The following ATP13A5 variants were observed in gnomAD, a reference collection of about 807,000 sequenced individuals.
ATP13A5 encodes the protein probable cation-transporting ATPase 13A5.
ATP13A5 carries 149 observed loss-of-function variants against 150.2 expected under a neutral mutation model. That is an observed-to-expected ratio of 0.99 (90% CI 0.87 to 1.14). The LOEUF is 1.14. Among genes scored for constraint, ATP13A5 ranks in the 50% most tolerant of loss-of-function variants. The pLI is 0.00. For synonymous variants in ATP13A5, 497 were observed against 522.2 expected (o/e 0.95, Z 0.66); for missense variants, 1,383 against 1,449.3 (o/e 0.95, Z 0.74).
intron 20 of ATP13A5, 120 bp from the exon 21 acceptor site, chr3:193,310,837 C>T (rs898353014): frequency 4.0e-5 from 25 of 623,718 alleles, no homozygotes; most frequent in Non-Finnish European, 6.7e-5. Flanking sequence ...GATGGTATGT[C>T]ATTAGACCAA....
At chr3:193,305,490 G>T in intron 23 of ATP13A5, 69 bp downstream of exon 23, 3 of 1,235,594 alleles carry the variant, frequency 2.4e-6, no homozygotes, top group South Asian at 1.2e-5. Context: ...GCTTGTAGTT[G>T]AATTCTGTCT....
intron 25 of ATP13A5, among the ~76,000 whole-genome samples, chr3:193,292,384 T>C (rs1396112312): frequency 6.6e-6 from 1 of 152,154 alleles, no homozygotes; most frequent in East Asian, 1.9e-4. Context: ...TCATGCTCAT[T>C]GTAGTTTCTT....
intron 26 of ATP13A5, among the ~76,000 whole-genome samples, chr3:193,288,264 A>G (rs1717803010): frequency 6.6e-6 from 1 of 152,160 alleles, no homozygotes; most frequent in Admixed American, 6.6e-5. Flanking sequence ...TTCAAATTTG[A>G]AAGTACTGAG....
rs1560136261 is a variant in ATP13A5 at position 193,331,209 on chromosome 3, T to A, written c.1375A>T (p.Lys459Ter). 5 of 1,614,102 alleles carry A rather than the reference T, an allele frequency of 3.1e-6. No individual in the cohort carries two copies. The highest frequency in any genetic ancestry group is 4.2e-6 in the Non-Finnish European group (5 of 1,179,956). Residue 459 changes from lysine to a stop codon, truncating the protein, a stop_gained, in exon 12 of 30, where the codon AAG (lysine) becomes TAG (stop). Coordinates refer to ENST00000342358, the MANE Select transcript of ATP13A5 (RefSeq NM_198505.4). LOFTEE classifies it high-confidence loss of function. The part of the protein sequence containing the change: ...ALTIGNVYAQ[K>*]RLKKKKIFCI... Reference sequence around the variant, plus strand: ...AAGATTTTCTTTTTCTTCAGTCTCTTCTGAGCATACACGTTGCCTATGGTC... The same window carrying A: ...AAGATTTTCTTTTTCTTCAGTCTCTACTGAGCATACACGTTGCCTATGGTC...
chr3:193,333,669 G>A (rs1711728856), intron 11 of ATP13A5, 81 bp downstream of exon 11: 1 of 1,334,852 alleles, frequency 7.5e-7, no homozygotes, highest in Non-Finnish European at 1.0e-6. Context: ...GGATCAAGAT[G>A]TAACCTAAAC....
At chr3:193,307,484 A>G (rs1718663926) in intron 21 of ATP13A5, 115 bp from the exon 22 acceptor site, 1 of 1,241,250 alleles carries the variant, frequency 8.1e-7, no homozygotes, top group Non-Finnish European at 1.2e-6. Context: ...TGTCCCCTGA[A>G]CACACCTGGA....
chr3:193,280,367 C>T (rs112883213), intron 27 of ATP13A5, among the ~76,000 whole-genome samples: 39 of 152,148 alleles, frequency 2.6e-4, no homozygotes, highest in South Asian at 2.1e-4. Context: ...TTTTCTTAAA[C>T]CAGTTAAAAT....
chr3:193,299,303 CT>C (rs561282732), intron 24 of ATP13A5, 100 bp from the exon 25 acceptor site: 80 of 829,252 alleles, frequency 9.6e-5, no homozygotes, highest in South Asian at 1.4e-4. Context: ...GCAGCTGTTA[CT>C]TTTTTTTCCC....
Position 193,275,123 on chromosome 3 carries a change from A to C in ATP13A5, c.3576T>G (p.Tyr1192Ter). 1.2e-6 allele frequency: 2 copies of C among 1,614,210 alleles called. No individual in the cohort carries two copies. The highest frequency in any genetic ancestry group is 1.1e-5 in the South Asian group (1 of 91,082). The change falls in exon 30 of 30, where the codon TAT (tyrosine) becomes TAG (stop). Residue 1192 changes from tyrosine (Y) to a stop codon, truncating the protein, a stop_gained. Coordinates refer to ENST00000342358, the MANE Select transcript of ATP13A5 (RefSeq NM_198505.4). LOFTEE classifies it low-confidence loss of function (END_TRUNC). The part of the protein sequence containing the change: ...GKNGFYINGG[Y>*]ESHEQIPKRK... ...TTTTTGGAATCTGTTCATGGCTTTC[A>C]TAGCCTCCGTTGATGTAGAATCCAT...
At chr3:193,286,069 A>C (rs936537149) in intron 26 of ATP13A5, among the ~76,000 whole-genome samples, 4 of 152,200 alleles carry the variant, frequency 2.6e-5, no homozygotes, top group African/African-American at 4.8e-5. Flanking sequence ...ATATTTACTC[A>C]AAAAATCTTT....
intron 23 of ATP13A5, 108 bp downstream of exon 23, chr3:193,305,451 A>G (rs1718573820): frequency 3.3e-6 from 3 of 905,880 alleles, no homozygotes; most frequent in Non-Finnish European, 5.4e-6. Flanking sequence ...CACTTCACCC[A>G]TTCCTCTGTT....
At position 193,362,757 on chromosome 3, in the gene ATP13A5, CTTT is replaced by C. The variant is rs1196294018; in HGVS notation, c.385-123_385-121del. 1.5e-3 allele frequency: 146 copies of C among 95,976 alleles called. 3 individuals carry two copies. Among genetic ancestry groups the C allele is most frequent in the African/African-American group, 0.011 (134 of 12,344 alleles). The allele number at this position is 95,976 out of a possible 1,614,324, so 5.9% of individuals were successfully genotyped here. ...TGGGTCTCACTTGCTTTCCTTCTTT[CTTT>C]CTTTCTTTCTTTCTTTCTTTCTTTC... is the stretch of plus-strand genomic sequence containing the variant. On this transcript the variant is annotated intron_variant, in intron 3 of 29. Transcript: ENST00000342358.
At chr3:193,293,001 A>G (rs772963565) in intron 25 of ATP13A5, among the ~76,000 whole-genome samples, 5 of 152,126 alleles carry the variant, frequency 3.3e-5, no homozygotes, top group Admixed American at 6.5e-5. Flanking sequence ...GTGTTTATAA[A>G]CATGATTTTT....
intron 5 of ATP13A5, among the ~76,000 whole-genome samples, chr3:193,361,208 AC>A (rs1712994473): frequency 6.6e-6 from 1 of 152,208 alleles, no homozygotes; most frequent in Non-Finnish European, 1.5e-5. Flanking sequence ...AACTCTAAAA[AC>A]TTTTTTGTGA....
At chr3:193,359,609 C>T (rs937603773) in intron 5 of ATP13A5, among the ~76,000 whole-genome samples, 7 of 152,346 alleles carry the variant, frequency 4.6e-5, no homozygotes, top group South Asian at 4.1e-4. Flanking sequence ...TGCAGAATCA[C>T]TAAATCAACG....
intron 1 of ATP13A5, among the ~76,000 whole-genome samples, chr3:193,374,700 T>C (rs1349467792): frequency 1.3e-5 from 2 of 151,920 alleles, no homozygotes; most frequent in African/African-American, 4.8e-5. Context: ...TATAGTGCAC[T>C]GTAATGCCCC....
rs918800168 is a variant in ATP13A5, at chr3:193,290,584, G to A, written c.2849-525C>T. 2.6e-5 allele frequency among the ~76,000 whole-genome samples: 4 copies of A among 152,154 alleles called. No individual in the cohort carries two copies. The East Asian group carries it at 5.8e-4, about 22-fold the overall frequency. ...GAGCCAGGCACTGTGATAGATGCTA[G>A]AGATGCATTAAGTATCTCTCTGGAT... On this transcript the variant is annotated intron_variant, in intron 25 of 29. Coordinates refer to ENST00000342358, the MANE Select transcript of ATP13A5 (RefSeq NM_198505.4).
intron 5 of ATP13A5, among the ~76,000 whole-genome samples, chr3:193,360,670 T>C (rs1295758017): frequency 6.6e-6 from 1 of 152,188 alleles, no homozygotes; most frequent in Admixed American, 6.6e-5. Flanking sequence ...TCAAGTTCTA[T>C]ATTGTGTGGA....
intron 28 of ATP13A5, among the ~76,000 whole-genome samples, chr3:193,278,051 G>C (rs6769185): frequency 6.6e-6 from 1 of 152,062 alleles, no homozygotes; most frequent in Non-Finnish European, 1.5e-5. Context: ...TGATCCACCC[G>C]CCTTGGCCTC....
Sources: allele counts gnomAD v4.1 joint callset (sites outside exome capture counted in the v4.1 genomes callset), GRCh38; gene constraint gnomAD v4.1.1; transcripts MANE v1.5; gene names NCBI Gene and HGNC (gene_info 2026-07-23, HGNC 2026-07-21).